The following ZHX2 variants were observed in gnomAD, a reference collection of about 807,000 sequenced individuals.
ZHX2 encodes the protein zinc fingers and homeoboxes protein 2.
ZHX2 carries 6 observed loss-of-function variants against 21.9 expected under a neutral mutation model. The observed-to-expected ratio is 0.27, with a 90% confidence interval of 0.15 to 0.54. ZHX2 has a LOEUF of 0.54. Ranked by LOEUF, ZHX2 falls within the 20% of genes least tolerant of loss-of-function variation. ZHX2 has a pLI of 0.95. For synonymous variants in ZHX2, 434 were observed against 437.1 expected, an observed-to-expected ratio of 0.99 and a Z score of 0.09; for missense variants, 908 against 1,090.7, an observed-to-expected ratio of 0.83 and a Z score of 2.36.
At chr8:122,857,899 G>A (rs2130762130) in intron 1 of ZHX2, among the ~76,000 whole-genome samples, 1 of 152,348 alleles carries the variant, frequency 6.6e-6, no homozygotes. Flanking sequence ...ATGTGCTCCG[G>A]AAGTGGTGGC....
At chr8:122,895,815 C>G (rs1302340509) in intron 2 of ZHX2, among the ~76,000 whole-genome samples, 1 of 151,918 alleles carries the variant, frequency 6.6e-6, no homozygotes, top group Non-Finnish European at 1.5e-5. Context: ...ACCATCAGAA[C>G]CATGCAAAAA....
At chr8:122,798,813 AAAG>A (rs1344115320) in intron 1 of ZHX2, among the ~76,000 whole-genome samples, 3 of 151,954 alleles carry the variant, frequency 2.0e-5, no homozygotes, top group African/African-American at 7.3e-5. Flanking sequence ...AAAAAAAAAA[AAAG>A]AAAGAAAGAA....
chr8:122,784,793 G>C (rs556900210), intron 1 of ZHX2, among the ~76,000 whole-genome samples: 1 of 152,292 alleles, frequency 6.6e-6, no homozygotes, highest in Non-Finnish European at 1.5e-5. Context: ...TAGATGAGGA[G>C]GCACAAGCCC....
chr8:122,838,243 G>C (rs1461720392), intron 1 of ZHX2, among the ~76,000 whole-genome samples: 1 of 152,192 alleles, frequency 6.6e-6, no homozygotes, highest in African/African-American at 2.4e-5. Context: ...TGGGTATCAA[G>C]GAACGTTTAA....
At chr8:122,867,774 A>T (rs1161428109) in intron 2 of ZHX2, among the ~76,000 whole-genome samples, 1 of 152,224 alleles carries the variant, frequency 6.6e-6, no homozygotes, top group African/African-American at 2.4e-5. Flanking sequence ...CTCACAAAAG[A>T]TGGTCAAGAA....
intron 2 of ZHX2, among the ~76,000 whole-genome samples, chr8:122,947,023 A>T (rs1812991381): frequency 6.9e-6 from 1 of 145,736 alleles, no homozygotes; most frequent in African/African-American, 2.6e-5. Flanking sequence ...TGGGAGACAG[A>T]GGCAAGTGGA....
rs372060090 is a variant in ZHX2 at position 122,952,602 on chromosome 8, G to T, written c.1092G>T (p.Thr364=). 2 of 1,613,980 alleles carry T rather than the reference G, an allele frequency of 1.2e-6. No homozygotes were observed. Among genetic ancestry groups the T allele is most frequent in the Admixed American group, 3.3e-5 (2 of 60,006 alleles). ...AGGTGACGCAGCCCATCCTCCAGAC[G>T]GCTCTACCGTGCCAGATCCTCGGCC... is the stretch of plus-strand genomic sequence containing the variant. The part of the protein sequence containing the change: ...PTKVTQPILQ[T]ALPCQILGQT... The change falls in exon 3 of 4, where the codon ACG becomes ACT. Residue 364 remains threonine (T), a synonymous_variant. Coordinates refer to ENST00000314393, the MANE Select transcript of ZHX2 (RefSeq NM_014943.5). This position sits in a 1 kb window ranked among gnomAD's most constrained non-coding sequence, Gnocchi z 6.9.
intron 2 of ZHX2, among the ~76,000 whole-genome samples, chr8:122,913,099 C>T (rs1012820138): frequency 6.6e-6 from 1 of 152,216 alleles, no homozygotes; most frequent in African/African-American, 2.4e-5. Context: ...CCTCTATAGA[C>T]TTCATATGAA....
chr8:122,936,234 G>A (rs1045833299), intron 2 of ZHX2, among the ~76,000 whole-genome samples: 1 of 152,348 alleles, frequency 6.6e-6, no homozygotes, highest in East Asian at 1.9e-4. Context: ...GGGAGGTGTT[G>A]AAGACAGGGA....
At chr8:122,845,943 G>T (rs191469992) in intron 1 of ZHX2, among the ~76,000 whole-genome samples, 1 of 152,220 alleles carries the variant, frequency 6.6e-6, no homozygotes, top group Non-Finnish European at 1.5e-5. Flanking sequence ...GCGGGAGAGC[G>T]CTGCGACCTG....
intron 1 of ZHX2, among the ~76,000 whole-genome samples, chr8:122,850,933 C>T (rs1818879483): frequency 6.6e-6 from 1 of 152,148 alleles, no homozygotes; most frequent in Non-Finnish European, 1.5e-5. Context: ...GTGCTGCAGC[C>T]CCTGGACCTG....
intron 2 of ZHX2, among the ~76,000 whole-genome samples, chr8:122,937,848 CTGGGATTACAGGCA>C (rs1483878853): frequency 6.6e-6 from 1 of 151,670 alleles, no homozygotes; most frequent in Non-Finnish European, 1.5e-5. Context: ...TCCCAAAGTG[CTGGGATTACAGGCA>C]TGAGCCACCG....
At chr8:122,824,624 A>G (rs1285995562) in intron 1 of ZHX2, among the ~76,000 whole-genome samples, 1 of 152,216 alleles carries the variant, frequency 6.6e-6, no homozygotes, top group Non-Finnish European at 1.5e-5. Flanking sequence ...CAGAGGGTCC[A>G]AGAGGATCAC....
chr8:122,925,397 A>T (rs1820825614), intron 2 of ZHX2, among the ~76,000 whole-genome samples: 1 of 152,188 alleles, frequency 6.6e-6, no homozygotes, highest in Non-Finnish European at 1.5e-5. Flanking sequence ...GCTATGGAAA[A>T]CACAGTGATG....
intron 2 of ZHX2, among the ~76,000 whole-genome samples, chr8:122,879,342 G>C (rs1039129683): frequency 6.6e-6 from 1 of 152,052 alleles, no homozygotes; most frequent in Admixed American, 6.6e-5. Context: ...GAGTAGCTAG[G>C]ATAACAGACA....
At chr8:122,848,464 TC>T (rs1015909989) in intron 1 of ZHX2, among the ~76,000 whole-genome samples, 1 of 151,944 alleles carries the variant, frequency 6.6e-6, no homozygotes, top group Non-Finnish European at 1.5e-5. Flanking sequence ...ACGGAACACT[TC>T]CCCCATCCCC....
chr8:122,810,715 CAG>C (rs1454348166), intron 1 of ZHX2: 1 of 152,030 alleles, frequency 6.6e-6, no homozygotes, highest in Admixed American at 6.5e-5. Context: ...AACCTCACTG[CAG>C]AGTCGTGCCC....
chr8:122,924,380 A>G (rs1487596703), intron 2 of ZHX2, among the ~76,000 whole-genome samples: 1 of 152,158 alleles, frequency 6.6e-6, no homozygotes, highest in Non-Finnish European at 1.5e-5. Context: ...GACACTAGTC[A>G]TATTGTATTT....
intron 2 of ZHX2, among the ~76,000 whole-genome samples, chr8:122,882,891 A>T (rs1188880361): frequency 2.0e-5 from 3 of 152,124 alleles, no homozygotes; most frequent in Non-Finnish European, 4.4e-5. Context: ...CTGAGGTAGG[A>T]GAATCGCTTG....
Sources: allele counts gnomAD v4.1 joint callset (sites outside exome capture counted in the v4.1 genomes callset), GRCh38; gene constraint gnomAD v4.1.1; non-coding constraint Gnocchi (gnomAD v3.1); transcripts MANE v1.5; gene names NCBI Gene and HGNC (gene_info 2026-07-23, HGNC 2026-07-21).